MINK1: variants seen among roughly 807,000 people sequenced by gnomAD.
The protein encoded by MINK1 is misshapen-like kinase 1.
A neutral mutation model predicts 178.4 loss-of-function variants in MINK1; 46 were observed. That is an observed-to-expected ratio of 0.26 (90% CI 0.20 to 0.33). MINK1 has a LOEUF of 0.33. MINK1 is among the 10% of genes least tolerant of loss of function. The pLI is 1.00. For missense variants in MINK1, 1,366 were observed against 1,814.9 expected, an observed-to-expected ratio of 0.75 and a Z score of 4.49; for synonymous variants, 797 against 709.7, an observed-to-expected ratio of 1.12 and a Z score of -1.96.
At chr17:4,855,992 C>G (rs1245281973) in intron 1 of MINK1, among the ~76,000 whole-genome samples, 1 of 150,936 alleles carries the variant, frequency 6.6e-6, no homozygotes. Context: ...AAAAAAAAGT[C>G]CAGTTGATGG....
At chr17:4,891,241 C>T in intron 15 of MINK1, 117 bp downstream of exon 15, 2 of 1,166,872 alleles carry the variant, frequency 1.7e-6, no homozygotes, top group South Asian at 1.6e-5. Flanking sequence ...CAGCCGTGAG[C>T]CAGGATTACA....
intron 1 of MINK1, among the ~76,000 whole-genome samples, chr17:4,873,782 A>G (rs1448368595): frequency 1.3e-5 from 2 of 151,524 alleles, no homozygotes; most frequent in Non-Finnish European, 2.9e-5. Flanking sequence ...CCATATCCAG[A>G]TGATTTTTGT....
At chr17:4,893,907 G>A (rs1969141410) in intron 21 of MINK1, 81 bp from the exon 22 acceptor site, 4 of 1,194,114 alleles carry the variant, frequency 3.3e-6, no homozygotes, top group African/African-American at 1.5e-5. Flanking sequence ...AAAAGCCTGG[G>A]CTCTGGCTGC....
intron 13 of MINK1, chr17:4,890,290 G>T (rs1278614309): frequency 1.1e-5 from 14 of 1,294,886 alleles, no homozygotes; most frequent in African/African-American, 1.5e-5. Flanking sequence ...AGCTGCTCCA[G>T]GAACAGGCCC....
intron 2 of MINK1, among the ~76,000 whole-genome samples, chr17:4,880,629 G>A (rs1347982269): frequency 6.7e-6 from 1 of 149,422 alleles, no homozygotes; most frequent in African/African-American, 2.4e-5. Flanking sequence ...GCCGGGCGCG[G>A]TGGCTCATGC....
Position 4,896,124 on chromosome 17 carries a change from T to TAA in MINK1, c.3465+22_3465+23dup. 1 of 1,606,546 alleles carries TAA rather than the reference T, an allele frequency of 6.2e-7. No individual in the cohort carries two copies. Among genetic ancestry groups the TAA allele is most frequent in the Admixed American group, 1.7e-5 (1 of 58,620 alleles). On this transcript the variant is annotated intron_variant, in intron 28 of 31. Coordinates refer to ENST00000355280, the MANE Select transcript of MINK1 (RefSeq NM_153827.5). The surrounding 1 kb of genome is among the most constrained non-coding windows in gnomAD (Gnocchi z 4.6). ...TCAAGGTAATCCCAGCCTCGGTCCC[T>TAA]AACACCATCTGGAGTCCCAGCGCCT...
chr17:4,852,571 T>A (rs1003736582), intron 1 of MINK1, among the ~76,000 whole-genome samples: 2 of 150,564 alleles, frequency 1.3e-5, no homozygotes, highest in Admixed American at 1.3e-4. Flanking sequence ...AAGCCACTAG[T>A]TAGTGCAGTG....
chr17:4,891,390 C>G, intron 15 of MINK1, 66 bp from the exon 16 acceptor site: 1 of 1,502,772 alleles, frequency 6.7e-7, no homozygotes, highest in Non-Finnish European at 8.9e-7. Flanking sequence ...CCACCCCAGA[C>G]CCCAATTCGC....
At chr17:4,891,204 A>C (rs1224895745) in intron 15 of MINK1, 80 bp downstream of exon 15, 1 of 420,308 alleles carries the variant, frequency 2.4e-6, no homozygotes. Context: ...ACGCGCGCAC[A>C]CACACACACA....
At position 4,892,509 on chromosome 17, in the gene MINK1, C is replaced by G. The variant is rs778253772; in HGVS notation, c.2195C>G (p.Ser732Cys). The G allele has an allele frequency of 1.9e-6, 3 of 1,559,234 alleles. No individual in the cohort carries two copies. The highest frequency in any genetic ancestry group is 2.6e-6 in the Non-Finnish European group (3 of 1,150,648). Residue 732 changes from serine (S) to cysteine (C), a missense_variant, in exon 18 of 32, where the codon TCT becomes TGT. Transcript: ENST00000355280. ...CAGCCCCCTGGCCCGCCCAACGCCTCTAGGTAATAGAGTTGTCCCCCAACT... is the reference window on the plus strand; with the variant it reads ...CAGCCCCCTGGCCCGCCCAACGCCTGTAGGTAATAGAGTTGTCCCCCAACT... ...PAQPPGPPNA[S>C]SNPDLRRSDP...
intron 2 of MINK1, among the ~76,000 whole-genome samples, chr17:4,879,020 C>G (rs1967451163): frequency 6.6e-6 from 1 of 151,694 alleles, no homozygotes; most frequent in Non-Finnish European, 1.5e-5. Context: ...CCACTGCTCA[C>G]ACTTGGATTG....
chr17:4,866,195 C>T (rs1408226362), intron 1 of MINK1, among the ~76,000 whole-genome samples: 1 of 152,024 alleles, frequency 6.6e-6, no homozygotes, highest in African/African-American at 2.4e-5. Context: ...GGGCCAGACG[C>T]GGTGGTTCAC....
chr17:4,852,023 A>AAAAAAAAAC (rs1567566182), intron 1 of MINK1, among the ~76,000 whole-genome samples: 1 of 133,910 alleles, frequency 7.5e-6, no homozygotes, highest in African/African-American at 2.8e-5. Flanking sequence ...AAAAAAAAAA[A>AAAAAAAAAC]AAAACTAAGA....
chr17:4,869,549 T>G (rs1044565504), intron 1 of MINK1, among the ~76,000 whole-genome samples: 1 of 152,002 alleles, frequency 6.6e-6, no homozygotes, highest in Non-Finnish European at 1.5e-5. Context: ...AGTGCTCACA[T>G]TACAGGCGTG....
In MINK1 at chr17:4,833,388, G is replaced by A; in HGVS notation, c.-196G>A. ...CGCAGGAGAGGTGGTAGGCTCGGGT[G>A]GCTGGCTCCGGGGAGATAGCGCCTG... On this transcript the variant is annotated 5_prime_UTR_variant, in exon 1 of 32. Coordinates refer to ENST00000355280, the MANE Select transcript of MINK1 (RefSeq NM_153827.5). This position sits in a 1 kb window ranked among gnomAD's most constrained non-coding sequence, Gnocchi z 4.8. The A allele has an allele frequency of 1.9e-6, 1 of 524,810 alleles. No individual in the cohort carries two copies. Among genetic ancestry groups the A allele is most frequent in the Non-Finnish European group, 3.3e-6 (1 of 299,400 alleles). 32.5% of individuals were successfully genotyped at this position (524,810 alleles called of 1,614,324 possible).
At position 4,895,161 on chromosome 17, in the gene MINK1, A is replaced by C; in HGVS notation, c.3004A>C (p.Thr1002Pro). ...TGTGGTCAACGTGAATCCCACCAAC[A>C]CCCGGGCCCACAGTGAGACCCCTGA... ...GSVVNVNPTN[T>P]RAHSETPEIR... The change falls in exon 25 of 32, where the codon ACC (threonine) becomes CCC (proline). Residue 1002 changes from threonine (T) to proline (P), a missense_variant. Transcript: ENST00000355280. This position sits in a 1 kb window ranked among gnomAD's most constrained non-coding sequence, Gnocchi z 4.3. 6.2e-7 allele frequency: 1 copy of C among 1,613,472 alleles called. No homozygotes were observed. Among genetic ancestry groups the C allele is most frequent in the Non-Finnish European group, 8.5e-7 (1 of 1,179,882 alleles).
rs1951550683 is a variant in MINK1, at chr17:4,870,661, C to CA, written c.58-7650dup. Among the ~76,000 whole-genome samples the CA allele has an allele frequency of 9.9e-5, 15 of 151,898 alleles. No individual in the cohort carries two copies. The South Asian group carries it at 2.9e-3, about 29-fold the overall frequency. On this transcript the variant is annotated intron_variant, in intron 1 of 31. Transcript: ENST00000355280. ...GCGACATAGTGAAACCCCATCTCTA[C>CA]AAAAAATATAAAAATTAGCCAGGTG... is the stretch of plus-strand genomic sequence containing the variant.
intron 1 of MINK1, among the ~76,000 whole-genome samples, chr17:4,851,726 C>A (rs1378642171): frequency 6.6e-6 from 1 of 152,088 alleles, no homozygotes; most frequent in Non-Finnish European, 1.5e-5. Flanking sequence ...TCGGGCCGTG[C>A]GTGGTGGCTC....
rs913956824 is a variant in MINK1 at position 4,838,977 on chromosome 17, A to T, written c.57+5337A>T. Among the ~76,000 whole-genome samples the T allele has an allele frequency of 2.3e-4, 34 of 148,706 alleles. No individual in the cohort carries two copies. The East Asian group carries it at 2.8e-3, about 12-fold the overall frequency. ...TTTTTTTTTTGAGACGCAGTCTCGC[A>T]CTGTCGCCCAGGCTGGAGTGCAGTG... On this transcript the variant is annotated intron_variant, in intron 1 of 31. Transcript: ENST00000355280.
Sources: allele counts gnomAD v4.1 joint callset (sites outside exome capture counted in the v4.1 genomes callset), GRCh38; gene constraint gnomAD v4.1.1; non-coding constraint Gnocchi (gnomAD v3.1); transcripts MANE v1.5; gene names NCBI Gene and HGNC (gene_info 2026-07-23, HGNC 2026-07-21).